The following TNKS variants were observed in gnomAD, a reference collection of about 807,000 sequenced individuals.
TNKS encodes tankyrase.
In TNKS, 72 loss-of-function variants were observed where a neutral mutation model predicts 135.8. That is an observed-to-expected ratio of 0.53 (90% CI 0.44 to 0.64). The LOEUF (loss-of-function observed/expected upper bound fraction) is 0.64, where lower values mean the gene tolerates loss of function less well. Ranked by LOEUF, TNKS falls within the 30% of genes least tolerant of loss-of-function variation. The pLI, the probability that TNKS is intolerant of heterozygous loss-of-function variation, is 0.00. For missense variants in TNKS, 1,769 were observed against 1,674.0 expected (o/e 1.06, Z -0.99); for synonymous variants, 849 against 649.3 (o/e 1.31, Z -4.68).
At chr8:9,706,163 T>G in intron 6 of TNKS, 24 bp from the exon 7 acceptor site, 1 of 1,547,726 alleles carries the variant, frequency 6.5e-7, no homozygotes, top group Non-Finnish European at 8.7e-7. Flanking sequence ...ATTTAAGTAT[T>G]TTAATTTGCC....
chr8:9,782,145 G>A lies in TNKS; in HGVS notation c.*5409G>A, dbSNP rs116326675. On this transcript the variant is annotated 3_prime_UTR_variant, in exon 27 of 27. Transcript: ENST00000310430. The stretch of plus-strand genomic sequence containing the variant: ...GTTAAAGTCCTCTAGTCATCATCTC[G>A]TCACCTGAAATGGAAGTCCTTTTTC... 2.6e-5 allele frequency: 4 copies of A among 152,456 alleles called. No individual in the cohort carries two copies. Among genetic ancestry groups the A allele is most frequent in the South Asian group, 2.1e-4 (1 of 4,822 alleles). The allele number at this position is 152,456 out of a possible 1,614,324, so 9.4% of individuals were successfully genotyped here.
intron 1 of TNKS, among the ~76,000 whole-genome samples, chr8:9,574,837 C>G (rs1797883411): frequency 6.6e-6 from 1 of 151,972 alleles, no homozygotes; most frequent in Non-Finnish European, 1.5e-5. Context: ...CCATTTCTTC[C>G]TTAATTATAA....
chr8:9,564,975 A>G (rs1797469316), intron 1 of TNKS, among the ~76,000 whole-genome samples: 1 of 152,140 alleles, frequency 6.6e-6, no homozygotes, highest in Admixed American at 6.5e-5. Flanking sequence ...GATTTCTACT[A>G]AAGCCTAGGA....
intron 3 of TNKS, among the ~76,000 whole-genome samples, chr8:9,624,880 A>C (rs1328863362): frequency 1.3e-5 from 2 of 152,138 alleles, no homozygotes; most frequent in East Asian, 3.8e-4. Context: ...AGTTATAATA[A>C]CTAATACCAA....
chr8:9,634,260 G>A (rs1800417443), intron 3 of TNKS, among the ~76,000 whole-genome samples: 1 of 151,824 alleles, frequency 6.6e-6, no homozygotes, highest in Non-Finnish European at 1.5e-5. Context: ...ATGTTAATGT[G>A]CTACATATTA....
intron 2 of TNKS, among the ~76,000 whole-genome samples, chr8:9,600,509 C>T (rs1387603210): frequency 2.0e-5 from 3 of 151,992 alleles, no homozygotes; most frequent in East Asian, 1.9e-4. Flanking sequence ...AGACAGGTCT[C>T]GCCATGTTGA....
chr8:9,606,337 A>G (rs1034058838), intron 2 of TNKS, among the ~76,000 whole-genome samples: 2 of 151,900 alleles, frequency 1.3e-5, no homozygotes, highest in African/African-American at 4.8e-5. Flanking sequence ...TCTGAATAAC[A>G]TAGTTTTTCA....
chr8:9,559,056 C>T (rs1294772372), intron 1 of TNKS, among the ~76,000 whole-genome samples: 1 of 152,064 alleles, frequency 6.6e-6, no homozygotes, highest in Admixed American at 6.6e-5. Flanking sequence ...TTATTTGTTC[C>T]AGAAATATTT....
intron 14 of TNKS, among the ~76,000 whole-genome samples, chr8:9,732,439 A>C (rs1462516542): frequency 6.6e-6 from 1 of 152,204 alleles, no homozygotes; most frequent in Non-Finnish European, 1.5e-5. Context: ...TTTAGGCCTC[A>C]TCGAACCATT....
At chr8:9,579,288 A>G (rs954800074) in intron 1 of TNKS, among the ~76,000 whole-genome samples, 1 of 152,060 alleles carries the variant, frequency 6.6e-6, no homozygotes, top group African/African-American at 2.4e-5. Flanking sequence ...TAGTTTGGCC[A>G]CTAGCCCCAA....
chr8:9,585,279 A>G (rs1798328786), intron 2 of TNKS, among the ~76,000 whole-genome samples: 1 of 152,178 alleles, frequency 6.6e-6, no homozygotes, highest in African/African-American at 2.4e-5. Context: ...AATCATGACG[A>G]AAAAGGTAAA....
At chr8:9,700,571 A>G (rs1463228016) in intron 5 of TNKS, among the ~76,000 whole-genome samples, 1 of 150,364 alleles carries the variant, frequency 6.7e-6, no homozygotes. Context: ...CAGACCTCAC[A>G]TTATTTCCCT....
Position 9,556,324 on chromosome 8 carries a change from CCGT to C in TNKS, c.390_392del (p.Ser134del). On this transcript the variant is annotated inframe_deletion, in exon 1 of 27. Transcript: ENST00000310430. Reference sequence around the variant, plus strand: ...AGCCGGCAGTGGCAGTAACAATTCACCGTCGTCCTCTTCTTCCCCGACTTCTTC... The same window carrying C: ...AGCCGGCAGTGGCAGTAACAATTCACCGTCCTCTTCTTCCCCGACTTCTTC... The C allele has an allele frequency of 6.2e-7, 1 of 1,614,272 alleles. No homozygotes were observed. Among genetic ancestry groups the C allele is most frequent in the African/African-American group, 1.3e-5 (1 of 75,074 alleles).
chr8:9,772,071 G>T lies in TNKS; in HGVS notation c.3897+1809G>T, dbSNP rs571261510. ...AGAGGTAGGGAGGGATGGAGGGGGA[G>T]AGAGGGAGAGAGAAGGAGGGAGGGA... On this transcript the variant is annotated intron_variant, in intron 26 of 26. Coordinates refer to ENST00000310430, the MANE Select transcript of TNKS (RefSeq NM_003747.3). 6.1e-4 allele frequency among the ~76,000 whole-genome samples: 84 copies of T among 136,994 alleles called. 1 individual carries two copies. Among genetic ancestry groups the T allele is most frequent in the African/African-American group, 2.3e-3 (82 of 35,254 alleles). The allele number at this position is 136,994 out of a possible 152,430, so 89.9% of individuals were successfully genotyped here.
At chr8:9,559,518 C>A in intron 1 of TNKS, among the ~76,000 whole-genome samples, 1 of 151,796 alleles carries the variant, frequency 6.6e-6, no homozygotes. Context: ...ATCTTGGGGG[C>A]TTTAGTGTAC....
intron 17 of TNKS, among the ~76,000 whole-genome samples, chr8:9,744,082 C>T (rs1806109822): frequency 6.6e-6 from 1 of 152,262 alleles, no homozygotes; most frequent in East Asian, 1.9e-4. Flanking sequence ...AAAAGAACCT[C>T]AGTTTTTCCA....
chr8:9,560,742 G>A (rs974970672), intron 1 of TNKS, among the ~76,000 whole-genome samples: 3 of 151,806 alleles, frequency 2.0e-5, no homozygotes, highest in African/African-American at 7.3e-5. Flanking sequence ...GGTAATAGAA[G>A]AAAGGGACCT....
chr8:9,769,573 C>T (rs1807679762), intron 25 of TNKS, among the ~76,000 whole-genome samples: 1 of 150,848 alleles, frequency 6.6e-6, no homozygotes, highest in South Asian at 2.1e-4. Context: ...CTGGTTTTTT[C>T]CCTTTTTCCA....
chr8:9,768,785 G>A (rs1807618141), intron 25 of TNKS, among the ~76,000 whole-genome samples: 1 of 152,208 alleles, frequency 6.6e-6, no homozygotes, highest in African/African-American at 2.4e-5. Flanking sequence ...CTGATGGAGA[G>A]CAAAGCCCTT....
Sources: gnomAD v4.1 joint callset for allele counts (sites outside exome capture counted in the v4.1 genomes callset) on GRCh38, gnomAD v4.1.1 for gene constraint, MANE v1.5 for transcripts, NCBI Gene and HGNC (gene_info 2026-07-23, HGNC 2026-07-21) for gene names.